The following CSNK1G2 variants were observed in gnomAD, a reference collection of about 807,000 sequenced individuals.
The protein encoded by CSNK1G2 is casein kinase 1 gamma 2, also known as casein kinase I isoform gamma-2.
A neutral mutation model predicts 48.0 loss-of-function variants in CSNK1G2; 11 were observed. The ratio of observed to expected loss-of-function variants is 0.23; its 90% CI spans 0.14 to 0.38. The LOEUF is 0.38. Ranked by LOEUF, CSNK1G2 falls within the 10% of genes least tolerant of loss-of-function variation. CSNK1G2 has a pLI of 1.00. For missense variants in CSNK1G2, 446 were observed against 595.5 expected (o/e 0.75, Z 2.61); for synonymous variants, 337 against 254.1 (o/e 1.33, Z -3.10).
chr19:1,956,072 T>C (rs1356874585), intron 1 of CSNK1G2, among the ~76,000 whole-genome samples: 1 of 152,146 alleles, frequency 6.6e-6, no homozygotes, highest in Non-Finnish European at 1.5e-5. Context: ...GCCTGCCCCT[T>C]TCTCATCCTC....
chr19:1,979,947 G>A lies in CSNK1G2; in HGVS notation c.1123G>A (p.Asp375Asn), dbSNP rs1450744956. Residue 375 changes from aspartate to asparagine, a missense_variant, in exon 11 of 12, where the codon GAC becomes AAC. Asp to Asn is a conservative substitution (Grantham distance 23). Coordinates refer to ENST00000255641, the MANE Select transcript of CSNK1G2 (RefSeq NM_001319.7). ...CACCAACGGGGAGCTGAATGCGGAC[G>A]ACCCCACGGCCGGCCACTCCAACGC... is the stretch of plus-strand genomic sequence containing the variant. ...NSTNGELNADDPTAGHSNAPI... is the reference protein window; with the variant it reads ...NSTNGELNADNPTAGHSNAPI... The A allele has an allele frequency of 6.2e-7, 1 of 1,601,398 alleles. No homozygotes were observed. Among genetic ancestry groups the A allele is most frequent in the Non-Finnish European group, 8.5e-7 (1 of 1,173,464 alleles).
intron 1 of CSNK1G2, chr19:1,953,777 C>T (rs1249533688): frequency 1.1e-5 from 5 of 473,868 alleles, no homozygotes; most frequent in East Asian, 5.8e-5. Context: ...TGCCCCCTCC[C>T]CCCGCATCAG....
chr19:1,941,940 C>T (rs1200112834), intron 1 of CSNK1G2, among the ~76,000 whole-genome samples: 1 of 151,898 alleles, frequency 6.6e-6, no homozygotes, highest in African/African-American at 2.4e-5. Context: ...GTTCTGGTCC[C>T]GAGGCCCCTG....
Position 1,978,633 on chromosome 19 carries a change from G to A in CSNK1G2, c.330G>A (p.Pro110=), listed in dbSNP as rs555939754. 48 of 1,605,208 alleles carry A rather than the reference G, an allele frequency of 3.0e-5. No homozygotes were observed. The South Asian group carries it at 4.2e-4, about 14-fold the overall frequency. ...TCCCTCAGGTCTACTACTTCGGTCC[G>A]TGCGGGAAGTACAACGCCATGGTGC... is the stretch of plus-strand genomic sequence containing the variant. ...EGVPQVYYFG[P]CGKYNAMVLE... Residue 110 remains proline, a synonymous_variant, in exon 5 of 12, where the codon CCG becomes CCA. Transcript: ENST00000255641. This position sits in a 1 kb window ranked among gnomAD's most constrained non-coding sequence, Gnocchi z 7.3.
Position 1,980,201 on chromosome 19 carries a change from T to G in CSNK1G2, c.1246T>G (p.Ter416GlyextTer8). Reference sequence around the variant, plus strand: ...GAGAAAATCGCTGCAGCGACACAAGTGACCCTGGGCGCGTGCAGCCCCCTG... The same window carrying G: ...GAGAAAATCGCTGCAGCGACACAAGGGACCCTGGGCGCGTGCAGCCCCCTG... Reference protein sequence around the residue: ...RKRKSLQRHK* With the variant: ...RKRKSLQRHKG The change falls in exon 12 of 12, where the codon TGA (stop) becomes GGA (glycine). Residue 416 changes from the stop codon to glycine (G), a stop_lost. Coordinates refer to ENST00000255641, the MANE Select transcript of CSNK1G2 (RefSeq NM_001319.7). 6.2e-7 allele frequency: 1 copy of G among 1,612,816 alleles called. No homozygotes were observed. Among genetic ancestry groups the G allele is most frequent in the Non-Finnish European group, 8.5e-7 (1 of 1,179,808 alleles).
chr19:1,961,719 C>T (rs1290829476), intron 1 of CSNK1G2, among the ~76,000 whole-genome samples: 1 of 152,246 alleles, frequency 6.6e-6, no homozygotes, highest in African/African-American at 2.4e-5. Flanking sequence ...GGAGATTCCT[C>T]CCCCAAAACG....
chr19:1,942,526 C>T (rs1253995296), intron 1 of CSNK1G2: 1 of 152,370 alleles, frequency 6.6e-6, no homozygotes, highest in Admixed American at 6.5e-5. Flanking sequence ...GCTCTGCCTC[C>T]CCACCCCAGG....
intron 2 of CSNK1G2, 55 bp downstream of exon 2, chr19:1,970,014 C>G (rs35089119): frequency 0.14 from 184,286 of 1,274,164 alleles, 14,754 homozygotes; most frequent in Non-Finnish European, 0.16. Context: ...AGGGCCGCCC[C>G]GAGTCACCGG....
At chr19:1,955,548 C>CTCTCCGGGGTGGGTGTGTGCCTGGGT (rs1568187056) in intron 1 of CSNK1G2, among the ~76,000 whole-genome samples, 3 of 143,196 alleles carry the variant, frequency 2.1e-5, no homozygotes, top group African/African-American at 3.0e-5. Flanking sequence ...TGTGCCTGGG[C>CTCTCCGGGGTGGGTGTGTGCCTGGGT]GAGGCTCCGC....
At chr19:1,952,334 T>C (rs904994650) in intron 1 of CSNK1G2, among the ~76,000 whole-genome samples, 2 of 151,878 alleles carry the variant, frequency 1.3e-5, no homozygotes, top group African/African-American at 2.4e-5. Context: ...CTTTTTTTTT[T>C]TTTCTTGAGA....
At position 1,978,381 on chromosome 19, in the gene CSNK1G2, G is replaced by C. The variant is rs373963060; in HGVS notation, c.228+36G>C. The C allele has an allele frequency of 3.7e-6, 6 of 1,611,944 alleles. No homozygotes were observed. The highest frequency in any genetic ancestry group is 5.1e-6 in the Non-Finnish European group (6 of 1,178,944). The stretch of plus-strand genomic sequence containing the variant: ...CCCTCCACCCCACCCCCGCTGACGT[G>C]CCCCCCAGGGATTTCAGGGCAGCGA... On this transcript the variant is annotated intron_variant, in intron 3 of 11. Transcript: ENST00000255641. The surrounding 1 kb of genome is among the most constrained non-coding windows in gnomAD (Gnocchi z 7.3).
chr19:1,973,629 G>GGCTGCTGCT, intron 2 of CSNK1G2, among the ~76,000 whole-genome samples: 1 of 152,264 alleles, frequency 6.6e-6, no homozygotes, highest in South Asian at 2.1e-4. Flanking sequence ...CAGGCTGTGC[G>GGCTGCTGCT]GCTGCTGCTG....
intron 1 of CSNK1G2, among the ~76,000 whole-genome samples, chr19:1,955,891 C>T (rs996543551): frequency 1.3e-5 from 2 of 152,198 alleles, no homozygotes; most frequent in Non-Finnish European, 2.9e-5. Flanking sequence ...TCCAGGGGGC[C>T]AGAGAGAAAG....
intron 1 of CSNK1G2, among the ~76,000 whole-genome samples, chr19:1,963,077 C>T (rs997687642): frequency 6.6e-6 from 1 of 152,108 alleles, no homozygotes; most frequent in African/African-American, 2.4e-5. Context: ...CTCAATGAGA[C>T]ACGCCAGACA....
At chr19:1,954,183 A>ATTGGTTGGTTT in intron 1 of CSNK1G2, 1 of 393,058 alleles carries the variant, frequency 2.5e-6, no homozygotes, top group Non-Finnish European at 5.1e-6. Context: ...TGGCCGCGGC[A>ATTGGTTGGTTT]GCTCCTGCGC....
rs758587163 is a variant in CSNK1G2 at position 1,978,563 on chromosome 19, G to T, written c.299-39G>T. ...GGGGCTGCGCAGGGGCAGGGAGGGG[G>T]CTGCCGCCGCACGCCCGTGCGTCTG... is the stretch of plus-strand genomic sequence containing the variant. On this transcript the variant is annotated intron_variant, in intron 4 of 11. Transcript: ENST00000255641. The surrounding 1 kb of genome is among the most constrained non-coding windows in gnomAD (Gnocchi z 7.3). The T allele has an allele frequency of 1.3e-5, 21 of 1,570,776 alleles. No homozygotes were observed. The highest frequency in any genetic ancestry group is 1.3e-4 in the South Asian group (11 of 86,668).
chr19:1,960,830 G>A (rs1024803971), intron 1 of CSNK1G2, among the ~76,000 whole-genome samples: 8 of 152,074 alleles, frequency 5.3e-5, no homozygotes, highest in East Asian at 1.9e-4. Context: ...CGGAGGCTGC[G>A]GTGAGCCGAG....
chr19:1,963,254 GT>G (rs1285478506), intron 1 of CSNK1G2, among the ~76,000 whole-genome samples: 3 of 152,020 alleles, frequency 2.0e-5, no homozygotes, highest in Non-Finnish European at 4.4e-5. Flanking sequence ...GTTTGTTTTT[GT>G]TTTGTTTTTT....
At chr19:1,967,808 CCAGGCTGCCCCCGACCACCCTTCAGT>C in intron 1 of CSNK1G2, among the ~76,000 whole-genome samples, 1 of 54,926 alleles carries the variant, frequency 1.8e-5, no homozygotes, top group African/African-American at 1.1e-4. Flanking sequence ...TCCCTCCTCC[CCAGGCTGCCCCCGACCACCCTTCAGT>C]TCTGCAGGTG....
Sources: gnomAD v4.1 joint callset for allele counts (sites outside exome capture counted in the v4.1 genomes callset) on GRCh38, gnomAD v4.1.1 for gene constraint, Gnocchi (gnomAD v3.1) non-coding constraint, MANE v1.5 for transcripts, NCBI Gene and HGNC (gene_info 2026-07-23, HGNC 2026-07-21) for gene names.